The following RICTOR variants were observed in gnomAD, a reference collection of about 807,000 sequenced individuals.
RICTOR encodes RPTOR independent companion of MTOR complex 2.
RICTOR carries 49 observed loss-of-function variants against 214.9 expected under a neutral mutation model. The ratio of observed to expected loss-of-function variants is 0.23; its 90% CI spans 0.18 to 0.29. The LOEUF is 0.29. RICTOR is among the 10% of genes least tolerant of loss of function. The pLI is 1.00. For synonymous variants in RICTOR, 717 were observed against 711.3 expected (o/e 1.01, Z -0.13); for missense variants, 1,625 against 2,047.0 (o/e 0.79, Z 3.98).
At chr5:39,017,504 C>T (rs753407732) in intron 3 of RICTOR, among the ~76,000 whole-genome samples, 6 of 151,784 alleles carry the variant, frequency 4.0e-5, no homozygotes, top group Admixed American at 6.6e-5. Flanking sequence ...TTTGAAAGCC[C>T]GTTCTCCAGT....
At chr5:38,997,627 T>C (rs1753272060) in intron 5 of RICTOR, among the ~76,000 whole-genome samples, 1 of 152,110 alleles carries the variant, frequency 6.6e-6, no homozygotes, top group South Asian at 2.1e-4. Context: ...GTTCTGACTG[T>C]CTTCCCAAAA....
At chr5:39,000,541 A>G (rs1753536081) in intron 5 of RICTOR, among the ~76,000 whole-genome samples, 1 of 152,058 alleles carries the variant, frequency 6.6e-6, no homozygotes, top group Non-Finnish European at 1.5e-5. Flanking sequence ...GAAAGTATAA[A>G]TAATGGTGAA....
intron 9 of RICTOR, among the ~76,000 whole-genome samples, chr5:38,977,402 G>A (rs1319184323): frequency 6.6e-6 from 1 of 152,086 alleles, no homozygotes; most frequent in Non-Finnish European, 1.5e-5. Context: ...TCCACAATAA[G>A]AGAATGTCTA....
Position 39,003,565 on chromosome 5 carries a change from T to C in RICTOR, c.253A>G (p.Ile85Val). ...GGAATGAACCACACTTACCAAATTA[T>C]GATATCCTCATAGTGAAAGCCCAGT... ...EKLGFHYEDI[I>V]ICLRLALLNE... Residue 85 changes from isoleucine (I) to valine (V), a missense_variant, in exon 4 of 38, where the codon ATA becomes GTA. Around this residue, in one of 5 missense-constraint regions of RICTOR, gnomAD observed 258 missense variants for 393.7 expected, o/e 0.66. Coordinates refer to ENST00000357387, the MANE Select transcript of RICTOR (RefSeq NM_152756.5). 6.2e-7 allele frequency: 1 copy of C among 1,604,148 alleles called. No individual in the cohort carries two copies. Among genetic ancestry groups the C allele is most frequent in the Non-Finnish European group, 8.5e-7 (1 of 1,172,360 alleles).
At chr5:39,039,170 C>G (rs1756975969) in intron 2 of RICTOR, among the ~76,000 whole-genome samples, 1 of 152,268 alleles carries the variant, frequency 6.6e-6, no homozygotes, top group Non-Finnish European at 1.5e-5. Context: ...CACATATCTA[C>G]AATTATCTGA....
At position 39,002,610 on chromosome 5, in the gene RICTOR, G is replaced by C; in HGVS notation, c.317C>G (p.Ala106Gly). The stretch of plus-strand genomic sequence containing the variant: ...GGAGTCTTGGATGAGATATCGAAGC[G>C]CTCGTAGCCCTGCTGCTCGCACTTC... The part of the protein sequence containing the change: ...AKEVRAAGLR[A>G]LRYLIQDSSI... The change falls in exon 5 of 38, where the codon GCG becomes GGG. Residue 106 changes from alanine to glycine, a missense_variant. By Grantham distance (60) the Ala-to-Gly change is moderately conservative. This residue lies in a region of RICTOR where 258 missense variants were observed against 393.7 expected (regional missense o/e 0.66). Coordinates refer to ENST00000357387, the MANE Select transcript of RICTOR (RefSeq NM_152756.5). The C allele has an allele frequency of 6.2e-7, 1 of 1,610,594 alleles. No homozygotes were observed. Among genetic ancestry groups the C allele is most frequent in the Non-Finnish European group, 8.5e-7 (1 of 1,177,984 alleles).
Position 39,017,353 on chromosome 5 carries a change from A to G in RICTOR, c.195+3686T>C, listed in dbSNP as rs911478519. Among the ~76,000 whole-genome samples, 25 of 152,128 alleles carry G rather than the reference A, an allele frequency of 1.6e-4. 1 individual carries two copies. Among genetic ancestry groups the G allele is most frequent in the Admixed American group, 1.6e-3 (25 of 15,264 alleles). Reference sequence around the variant, plus strand: ...AAACTATAAAATTTAATAAAAGACAATGAAACTAGAAGATGCATTTTGCAA... The same window carrying G: ...AAACTATAAAATTTAATAAAAGACAGTGAAACTAGAAGATGCATTTTGCAA... On this transcript the variant is annotated intron_variant, in intron 3 of 37. Coordinates refer to ENST00000357387, the MANE Select transcript of RICTOR (RefSeq NM_152756.5).
intron 2 of RICTOR, among the ~76,000 whole-genome samples, chr5:39,053,151 C>A (rs1757964126): frequency 1.3e-5 from 2 of 152,112 alleles, no homozygotes; most frequent in South Asian, 4.1e-4. Flanking sequence ...TATTTCAATG[C>A]CCCTGATGCA....
At chr5:39,047,468 C>A (rs1358748881) in intron 2 of RICTOR, among the ~76,000 whole-genome samples, 1 of 152,198 alleles carries the variant, frequency 6.6e-6, no homozygotes, top group Admixed American at 6.5e-5. Flanking sequence ...CCGTTCCTAA[C>A]AGGCCACGGA....
chr5:38,991,915 A>G (rs1752804405), intron 6 of RICTOR, among the ~76,000 whole-genome samples: 1 of 152,150 alleles, frequency 6.6e-6, no homozygotes, highest in African/African-American at 2.4e-5. Context: ...TTGTATAGTA[A>G]TAAAATATTA....
intron 9 of RICTOR, among the ~76,000 whole-genome samples, chr5:38,976,232 A>C (rs772972173): frequency 6.6e-6 from 1 of 152,152 alleles, no homozygotes; most frequent in African/African-American, 2.4e-5. Context: ...TCAATACTTA[A>C]TAGCAATTTT....
At chr5:38,968,426 T>C (rs1293807351) in intron 11 of RICTOR, among the ~76,000 whole-genome samples, 1 of 151,816 alleles carries the variant, frequency 6.6e-6, no homozygotes, top group Non-Finnish European at 1.5e-5. Flanking sequence ...ATATTTACTA[T>C]ACTATACCTT....
At chr5:39,033,997 C>T (rs1756466701) in intron 2 of RICTOR, among the ~76,000 whole-genome samples, 1 of 152,134 alleles carries the variant, frequency 6.6e-6, no homozygotes, top group Non-Finnish European at 1.5e-5. Flanking sequence ...AAACATCTGC[C>T]TTTCTTTAAT....
chr5:38,981,823 T>TA (rs779839617), intron 8 of RICTOR, 44 bp downstream of exon 8: 1 of 1,336,960 alleles, frequency 7.5e-7, no homozygotes, highest in African/African-American at 1.5e-5. Flanking sequence ...AGTATACATT[T>TA]ATAATAATAT....
chr5:38,956,268 G>A (rs1270719478), intron 25 of RICTOR, among the ~76,000 whole-genome samples: 1 of 151,974 alleles, frequency 6.6e-6, no homozygotes, highest in African/African-American at 2.4e-5. Context: ...CCTCTTCACT[G>A]CAACCTGTCA....
At chr5:39,023,771 C>T (rs1254636433) in intron 2 of RICTOR, among the ~76,000 whole-genome samples, 1 of 152,212 alleles carries the variant, frequency 6.6e-6, no homozygotes, top group African/African-American at 2.4e-5. Flanking sequence ...GCCTACCTTA[C>T]TCCATTCTGT....
rs1411759942 is a variant in RICTOR, at chr5:38,949,998, A to G, written c.3850T>C (p.Ser1284Pro). 2 of 1,613,498 alleles carry G rather than the reference A, an allele frequency of 1.2e-6. No individual in the cohort carries two copies. Among genetic ancestry groups the G allele is most frequent in the Admixed American group, 1.7e-5 (1 of 59,942 alleles). ...SNHLSLSKSN[S>P]VSLVPPGSSH... is the part of the protein sequence containing the mutation. ...GAACCTGGAGGCACCAGGGACACCG[A>G]ATTTGATTTGGAGAGAGACAGATGG... Residue 1284 changes from serine (S) to proline (P), a missense_variant, in exon 31 of 38, where the codon TCG (serine) becomes CCG (proline). By Grantham distance (74) the Ser-to-Pro change is moderately conservative. Coordinates refer to ENST00000357387, the MANE Select transcript of RICTOR (RefSeq NM_152756.5).
At position 39,059,906 on chromosome 5, in the gene RICTOR, G is replaced by A. The variant is rs144679739; in HGVS notation, c.97+14205C>T. 6.0e-3 allele frequency among the ~76,000 whole-genome samples: 906 copies of A among 152,182 alleles called. 6 individuals carry two copies. The highest frequency in any genetic ancestry group is 0.02 in the African/African-American group (840 of 41,528). ...AATAAGTGTTATCTCAAAAGGAGAT[G>A]AAGAAACACGCTCAGAAAAGGCAAC... On this transcript the variant is annotated intron_variant, in intron 2 of 37. Coordinates refer to ENST00000357387, the MANE Select transcript of RICTOR (RefSeq NM_152756.5).
At position 38,981,859 on chromosome 5, in the gene RICTOR, G is replaced by C; in HGVS notation, c.753+8C>G. The stretch of plus-strand genomic sequence containing the variant: ...TTTAAAACTAGAAAAGAATATTAAA[G>C]TTCCTACCTCTAATTCTACATCAGC... On this transcript the variant is annotated splice_region_variant and intron_variant, in intron 8 of 37. Transcript: ENST00000357387. 1 of 1,589,222 alleles carries C rather than the reference G, an allele frequency of 6.3e-7. No homozygotes were observed. The highest frequency in any genetic ancestry group is 8.6e-7 in the Non-Finnish European group (1 of 1,161,278).
Sources: gnomAD v4.1 joint callset for allele counts (sites outside exome capture counted in the v4.1 genomes callset) on GRCh38, gnomAD v4.1.1 for gene constraint, gnomAD v4.1.1 regional missense constraint, MANE v1.5 for transcripts, NCBI Gene and HGNC (gene_info 2026-07-23, HGNC 2026-07-21) for gene names.